The following PPIP5K1 variants were observed in gnomAD, a reference collection of about 807,000 sequenced individuals.
PPIP5K1 encodes the protein inositol hexakisphosphate and diphosphoinositol-pentakisphosphate kinase 1.
Under a neutral mutation model 27.7 loss-of-function variants are expected in PPIP5K1, and 6 were observed. That is an observed-to-expected ratio of 0.22 (90% CI 0.12 to 0.43). The LOEUF (loss-of-function observed/expected upper bound fraction) is 0.43, where lower values mean the gene tolerates loss of function less well. PPIP5K1 is among the 20% of genes least tolerant of loss of function. PPIP5K1 has a pLI of 1.00. For synonymous variants in PPIP5K1, 145 were observed against 242.6 expected, an observed-to-expected ratio of 0.60 and a Z score of 3.74; for missense variants, 394 against 635.4, an observed-to-expected ratio of 0.62 and a Z score of 4.08.
chr15:43,555,748 G>C (rs985333048), intron 30 of PPIP5K1, among the ~76,000 whole-genome samples: 1 of 152,042 alleles, frequency 6.6e-6, no homozygotes, highest in Non-Finnish European at 1.5e-5. Context: ...TGGGACTACA[G>C]GTGCATGCCA....
chr15:43,558,772 T>TA (rs1050989509), intron 30 of PPIP5K1, 23 bp downstream of exon 30: 4 of 1,612,274 alleles, frequency 2.5e-6, no homozygotes, highest in South Asian at 1.1e-5. Context: ...GAGAGAAGGG[T>TA]AAAAAAATAA....
rs932220042 is a variant in PPIP5K1 at position 43,533,783 on chromosome 15, C to G, written c.*891G>C. On this transcript the variant is annotated 3_prime_UTR_variant, in exon 32 of 32. Transcript: ENST00000420765. ...ATTGCTTAAAATAGAACCTGATTAT[C>G]TCTACTACTACAGCATCTCCTAAGC... is the stretch of plus-strand genomic sequence containing the variant. 6.6e-6 allele frequency: 1 copy of G among 152,106 alleles called. No homozygotes were observed. Among genetic ancestry groups the G allele is most frequent in the Non-Finnish European group, 1.5e-5 (1 of 68,034 alleles). 9.4% of individuals were successfully genotyped at this position (152,106 alleles called of 1,614,324 possible). A position where few individuals can be genotyped will look rare whatever the true frequency, so the allele number is the denominator to read the frequency against.
At chr15:43,542,317 AGT>A (rs2080846436) in intron 30 of PPIP5K1, among the ~76,000 whole-genome samples, 1 of 146,390 alleles carries the variant, frequency 6.8e-6, no homozygotes, top group South Asian at 2.2e-4. Flanking sequence ...GGGGGGGCAG[AGT>A]CTTGCTCTGT....
At chr15:43,546,453 T>C (rs1041057451) in intron 30 of PPIP5K1, among the ~76,000 whole-genome samples, 4 of 152,218 alleles carry the variant, frequency 2.6e-5, no homozygotes, top group Middle Eastern at 3.4e-3. Context: ...CACACCACCA[T>C]GACTGGCTAA....
At chr15:43,579,383 TACACACACACACAC>T (rs371291746) in intron 10 of PPIP5K1, among the ~76,000 whole-genome samples, 3 of 84,308 alleles carry the variant, frequency 3.6e-5, no homozygotes, top group South Asian at 4.0e-4. Flanking sequence ...TTCGATTATA[TACACACACACACAC>T]ACACACACAC....
At chr15:43,553,706 G>A (rs1188393950) in intron 30 of PPIP5K1, among the ~76,000 whole-genome samples, 1 of 149,144 alleles carries the variant, frequency 6.7e-6, no homozygotes, top group African/African-American at 2.5e-5. Context: ...GTGCAGTGGC[G>A]CGATCTCGGC....
intron 31 of PPIP5K1, among the ~76,000 whole-genome samples, chr15:43,536,523 G>C (rs1247355449): frequency 6.6e-6 from 1 of 152,008 alleles, no homozygotes; most frequent in East Asian, 1.9e-4. Flanking sequence ...GCCCCTTTGA[G>C]GTACTAAGTC....
chr15:43,558,633 A>C (rs1265836001), intron 30 of PPIP5K1, among the ~76,000 whole-genome samples, 162 bp downstream of exon 30: 3 of 152,230 alleles, frequency 2.0e-5, no homozygotes, highest in African/African-American at 7.2e-5. Flanking sequence ...CTGGGATAAC[A>C]GACATGAACC....
intron 29 of PPIP5K1, among the ~76,000 whole-genome samples, chr15:43,559,878 G>A (rs1252980693): frequency 2.0e-5 from 3 of 150,756 alleles, no homozygotes; most frequent in African/African-American, 4.9e-5. Flanking sequence ...AAGGATACAC[G>A]GGACAACGAA....
At chr15:43,558,014 A>G (rs2083231777) in intron 30 of PPIP5K1, among the ~76,000 whole-genome samples, 1 of 150,958 alleles carries the variant, frequency 6.6e-6, no homozygotes. Context: ...TGAAAACTTT[A>G]GAATTCAGGA....
At chr15:43,559,567 T>A (rs1471760230) in intron 29 of PPIP5K1, among the ~76,000 whole-genome samples, 3 of 152,172 alleles carry the variant, frequency 2.0e-5, no homozygotes, top group Non-Finnish European at 4.4e-5. Flanking sequence ...ACATCAAAGC[T>A]TCACTCTTCT....
chr15:43,558,571 T>A (rs1222626005), intron 30 of PPIP5K1, among the ~76,000 whole-genome samples: 1 of 151,922 alleles, frequency 6.6e-6, no homozygotes, highest in Non-Finnish European at 1.5e-5. Context: ...TGGCCAGGCT[T>A]GTCTCAAACT....
At chr15:43,541,578 G>A (rs990116132) in intron 30 of PPIP5K1, among the ~76,000 whole-genome samples, 3 of 152,038 alleles carry the variant, frequency 2.0e-5, no homozygotes, top group Admixed American at 6.6e-5. Flanking sequence ...CTAGCCAGGC[G>A]TGGTGGTGGG....
Position 43,558,911 on chromosome 15 carries a change from A to C in PPIP5K1, c.3440T>G (p.Val1147Gly). ...CLYGFEGCSM[V>G]PTIYPLETLH... is the part of the protein sequence containing the mutation. ...TGTTTCCAGAGGGTAGATGGTAGGC[A>C]CCATGGAACACCCTTCAAACCCTGT... The change falls in exon 30 of 32, where the codon GTG becomes GGG. Residue 1147 changes from valine (V) to glycine (G), a missense_variant. This residue lies in a region of PPIP5K1 where 379 missense variants were observed against 423.9 expected (regional missense o/e 0.89). Transcript: ENST00000420765. The C allele has an allele frequency of 6.2e-7, 1 of 1,613,736 alleles. No individual in the cohort carries two copies. Among genetic ancestry groups the C allele is most frequent in the Non-Finnish European group, 8.5e-7 (1 of 1,180,006 alleles).
At chr15:43,559,783 T>C (rs1436059174) in intron 29 of PPIP5K1, among the ~76,000 whole-genome samples, 1 of 150,642 alleles carries the variant, frequency 6.6e-6, no homozygotes, top group Non-Finnish European at 1.5e-5. Flanking sequence ...AATGTCCCCA[T>C]TGGAGGATGA....
chr15:43,558,626 G>A (rs577938575), intron 30 of PPIP5K1, among the ~76,000 whole-genome samples, 169 bp downstream of exon 30: 78 of 152,270 alleles, frequency 5.1e-4, no homozygotes, highest in African/African-American at 1.7e-3. Flanking sequence ...CAAAGTGCTG[G>A]GATAACAGAC....
At chr15:43,542,354 C>T (rs1421065503) in intron 30 of PPIP5K1, among the ~76,000 whole-genome samples, 1 of 150,314 alleles carries the variant, frequency 6.7e-6, no homozygotes, top group African/African-American at 2.5e-5. Flanking sequence ...TGCTGTGGTA[C>T]GATCACAGCT....
chr15:43,559,147 C>T (rs1484400627), intron 29 of PPIP5K1, among the ~76,000 whole-genome samples: 2 of 152,150 alleles, frequency 1.3e-5, no homozygotes, highest in African/African-American at 4.8e-5. Context: ...CCTGCTAAGG[C>T]CTCAAGGTGA....
intron 30 of PPIP5K1, among the ~76,000 whole-genome samples, chr15:43,543,809 T>TAA (rs995854030): frequency 4.6e-5 from 7 of 150,550 alleles, no homozygotes; most frequent in South Asian, 4.2e-4. Context: ...TATATATATA[T>TAA]AAAATATATA....
Sources: allele counts gnomAD v4.1 joint callset (sites outside exome capture counted in the v4.1 genomes callset), GRCh38; gene constraint gnomAD v4.1.1; regional missense constraint gnomAD v4.1.1; transcripts MANE v1.5; gene names NCBI Gene and HGNC (gene_info 2026-07-23, HGNC 2026-07-21).